Variants in GALNT9 observed in about 807,000 individuals in gnomAD.
GALNT9 encodes polypeptide N-acetylgalactosaminyltransferase 9, also known as GalNAc transferase 9.
GALNT9 carries 47 observed loss-of-function variants against 63.1 expected under a neutral mutation model. The observed-to-expected ratio is 0.75, with a 90% CI of 0.59 to 0.95. The LOEUF is 0.95. Among genes scored for constraint, GALNT9 ranks in the 40% least tolerant of loss-of-function variants. The pLI is 0.00. For missense variants in GALNT9, 829 were observed against 874.8 expected, an observed-to-expected ratio of 0.95 and a Z score of 0.66; for synonymous variants, 396 against 365.7, an observed-to-expected ratio of 1.08 and a Z score of -0.94.
rs1168049535 is a variant in GALNT9, at chr12:132,300,588, A to G, written c.239-14158T>C. Among the ~76,000 whole-genome samples the G allele has an allele frequency of 1.9e-4, 25 of 132,932 alleles. 1 individual carries two copies. The highest frequency in any genetic ancestry group is 5.6e-3 in the Middle Eastern group (1 of 178). 87.2% of individuals were successfully genotyped at this position (132,932 alleles called of 152,430 possible). Reference sequence around the variant, plus strand: ...ACCACACCTAACGCACCCCTGAGATAACCAAGCCACTGCTGAGATAACCCA... The same window carrying G: ...ACCACACCTAACGCACCCCTGAGATGACCAAGCCACTGCTGAGATAACCCA... On this transcript the variant is annotated intron_variant, in intron 1 of 10. Coordinates refer to ENST00000328957, the MANE Select transcript of GALNT9 (RefSeq NM_001122636.2).
Position 132,213,769 on chromosome 12 carries a change from C to T in GALNT9, c.1078-10079G>A, listed in dbSNP as rs552205416. Among the ~76,000 whole-genome samples the T allele has an allele frequency of 5.9e-5, 9 of 152,356 alleles. No individual in the cohort carries two copies. The South Asian group carries it at 1.0e-3, about 18-fold the overall frequency. On this transcript the variant is annotated intron_variant, in intron 6 of 10. Coordinates refer to ENST00000328957, the MANE Select transcript of GALNT9 (RefSeq NM_001122636.2). ...GGCCTCTGCATTCTCCAGGTGGCAC[C>T]GGGGACCTGAGGAGGCCCCAGCTTG...
intron 5 of GALNT9, among the ~76,000 whole-genome samples, chr12:132,256,159 T>A (rs947966891): frequency 1.3e-5 from 2 of 152,104 alleles, no homozygotes; most frequent in African/African-American, 2.4e-5. Context: ...GGTGACCCCA[T>A]CCTTTTCCAG....
Position 132,328,970 on chromosome 12 carries a change from G to A in GALNT9, c.234C>T (p.Leu78=), listed in dbSNP as rs117847300. The change falls in exon 1 of 11, where the codon CTC becomes CTT. Residue 78 remains leucine (L), a synonymous_variant. Coordinates refer to ENST00000328957, the MANE Select transcript of GALNT9 (RefSeq NM_001122636.2). ...DHLEEVVYNQ[L]NGLAKPIGLV... is the part of the protein sequence containing the mutation. ...CGCCCCGGCGCCCCCGCTCACCGTT[G>A]AGCTGGTTGTAGACCACCTCCTCCA... The A allele has an allele frequency of 7.2e-3, 10,967 of 1,531,232 alleles. 510 individuals carry two copies. The East Asian group carries it at 0.13, about 18-fold the overall frequency. The allele number at this position is 1,531,232 out of a possible 1,614,324, so 94.9% of individuals were successfully genotyped here.
At chr12:132,240,601 T>C (rs2136898796) in intron 6 of GALNT9, 2 of 455,012 alleles carry the variant, frequency 4.4e-6, no homozygotes, top group South Asian at 3.1e-5. Flanking sequence ...GTGGGCTCCG[T>C]GCGTGGCCCC....
In GALNT9 at chr12:132,282,431, G is replaced by A. The variant is rs545288346; in HGVS notation, c.419+3819C>T. ...TGTGTGCGTGTGTGTGCGTGTGTGC[G>A]TGCATGCGTGTGTGTGCGTGTGCAT... On this transcript the variant is annotated intron_variant, in intron 2 of 10. Transcript: ENST00000328957. The surrounding 1 kb of genome is among the most constrained non-coding windows in gnomAD (Gnocchi z 4.5). Among the ~76,000 whole-genome samples, 57 of 152,228 alleles carry A rather than the reference G, an allele frequency of 3.7e-4. No individual in the cohort carries two copies. The highest frequency in any genetic ancestry group is 7.2e-4 in the Non-Finnish European group (49 of 68,002).
At chr12:132,278,522 G>A (rs1469221758) in intron 2 of GALNT9, 1 of 152,222 alleles carries the variant, frequency 6.6e-6, no homozygotes, top group Non-Finnish European at 1.5e-5. Flanking sequence ...CCCAACACCT[G>A]CGGGCCAGTG....
At chr12:132,293,656 C>T (rs1361879223) in intron 1 of GALNT9, among the ~76,000 whole-genome samples, 2 of 152,206 alleles carry the variant, frequency 1.3e-5, no homozygotes, top group East Asian at 3.9e-4. Flanking sequence ...TGTGTACAGT[C>T]GGAGCTGGAT....
At chr12:132,321,202 CAGAGTCGAGGCCCCTGTGGGTCT>C (rs781872200) in intron 1 of GALNT9, among the ~76,000 whole-genome samples, 80,760 of 141,410 alleles carry the variant, frequency 0.57, 23,720 homozygotes, top group East Asian at 0.75. Flanking sequence ...CCTGTTGGTC[CAGAGTCGAGGCCCCTGTGGGTCT>C]GGAGTCGAGG....
chr12:132,286,388 A>G lies in GALNT9; in HGVS notation c.281T>C (p.Leu94Pro), dbSNP rs1555242191. The G allele has an allele frequency of 6.4e-7, 1 of 1,550,650 alleles. No homozygotes were observed. Among genetic ancestry groups the G allele is most frequent in the African/African-American group, 1.4e-5 (1 of 73,034 alleles). Reference sequence around the variant, plus strand: ...GGTGGCCGCCAAGCCACCCTGGCCCAGGCCTCCTGGCCCCTCCACCAGGCC... The same window carrying G: ...GGTGGCCGCCAAGCCACCCTGGCCCGGGCCTCCTGGCCCCTCCACCAGGCC... Reference protein sequence around the residue: ...PIGLVEGPGGLGQGGLAATLR... With the variant: ...PIGLVEGPGGPGQGGLAATLR... Residue 94 changes from leucine (L) to proline (P), a missense_variant, in exon 2 of 11, where the codon CTG (leucine) becomes CCG (proline). Physicochemically the swap from Leu to Pro is moderately conservative, Grantham distance 98. Coordinates refer to ENST00000328957, the MANE Select transcript of GALNT9 (RefSeq NM_001122636.2). This position sits in a 1 kb window ranked among gnomAD's most constrained non-coding sequence, Gnocchi z 7.4.
chr12:132,317,527 C>A (rs541478537), intron 1 of GALNT9, among the ~76,000 whole-genome samples: 31 of 152,340 alleles, frequency 2.0e-4, no homozygotes, highest in Admixed American at 1.5e-3. Flanking sequence ...GGATCACCTG[C>A]GAACAGCACA....
chr12:132,294,564 C>T (rs1266199839), intron 1 of GALNT9, among the ~76,000 whole-genome samples: 8 of 65,402 alleles, frequency 1.2e-4, no homozygotes, highest in African/African-American at 8.7e-4. Context: ...AGGCTTCAGG[C>T]GTCCTGCTCA....
intron 6 of GALNT9, among the ~76,000 whole-genome samples, chr12:132,216,288 A>G (rs1353670764): frequency 6.6e-6 from 1 of 152,206 alleles, no homozygotes; most frequent in Non-Finnish European, 1.5e-5. Flanking sequence ...CAAACAGAGG[A>G]AGACAGAGAG....
At chr12:132,306,868 A>T (rs1881636393) in intron 1 of GALNT9, among the ~76,000 whole-genome samples, 1 of 152,134 alleles carries the variant, frequency 6.6e-6, no homozygotes. Context: ...TCGTCATTTG[A>T]AGTTCCTTTC....
Position 132,247,950 on chromosome 12 carries a change from A to G in GALNT9, c.1037T>C (p.Met346Thr). 2 of 1,551,544 alleles carry G rather than the reference A, an allele frequency of 1.3e-6. No individual in the cohort carries two copies. Among genetic ancestry groups the G allele is most frequent in the Non-Finnish European group, 1.7e-6 (2 of 1,147,008 alleles). Residue 346 changes from methionine to threonine, a missense_variant, in exon 6 of 11, where the codon ATG becomes ACG. By Grantham distance (81) the Met-to-Thr change is moderately conservative. Transcript: ENST00000328957. ...TACGTTCTCGCCGCCATACACCTCC[A>G]TGCCGGGGTCCAGCAGCCCAATGTC... ...FGDIGLLDPGMEVYGGENVEL... is the reference protein window; with the variant it reads ...FGDIGLLDPGTEVYGGENVEL...
intron 1 of GALNT9, among the ~76,000 whole-genome samples, chr12:132,309,799 C>G (rs28575650): frequency 6.6e-6 from 1 of 152,186 alleles, no homozygotes; most frequent in Admixed American, 6.5e-5. Context: ...CACCAAGAAT[C>G]GCACAGGAGG....
At chr12:132,280,105 G>A (rs1880278662) in intron 2 of GALNT9, 1 of 152,368 alleles carries the variant, frequency 6.6e-6, no homozygotes, top group African/African-American at 2.4e-5. Flanking sequence ...CAAGGATCCT[G>A]ACAGTCAAGG....
rs28387014 is a variant in GALNT9 at position 132,319,970 on chromosome 12, A to G, written c.238+8996T>C. Among the ~76,000 whole-genome samples the G allele has an allele frequency of 0.57, 86,552 of 151,842 alleles. 24,839 individuals carry two copies. The highest frequency in any genetic ancestry group is 0.76 in the East Asian group (3,890 of 5,134). On this transcript the variant is annotated intron_variant, in intron 1 of 10. Coordinates refer to ENST00000328957, the MANE Select transcript of GALNT9 (RefSeq NM_001122636.2). The surrounding 1 kb of genome is among the most constrained non-coding windows in gnomAD (Gnocchi z 5.2). Reference sequence around the variant, plus strand: ...GAAAAGGGGGCGGCCAGCGGCCCCCACCGCTGGGTCACGCTATCCCCTCTG... The same window carrying G: ...GAAAAGGGGGCGGCCAGCGGCCCCCGCCGCTGGGTCACGCTATCCCCTCTG...
chr12:132,283,627 G>A (rs1555241876), intron 2 of GALNT9: 1 of 152,272 alleles, frequency 6.6e-6, no homozygotes, highest in Non-Finnish European at 1.5e-5. Context: ...TGGAGACCAA[G>A]GTCAGCCATG....
rs1317183208 is a variant in GALNT9 at position 132,329,376 on chromosome 12, G to C, written c.-173C>G. On this transcript the variant is annotated 5_prime_UTR_variant, in exon 1 of 11. Transcript: ENST00000328957. ...CTCAGCGCGCCGGGCCACGGCCGCC[G>C]GGGGTCCCCCAGAGCGCAGAGGGCT... The C allele has an allele frequency of 5.0e-6, 5 of 998,384 alleles. No homozygotes were observed. Among genetic ancestry groups the C allele is most frequent in the Non-Finnish European group, 6.7e-6 (5 of 749,226 alleles). The allele number at this position is 998,384 out of a possible 1,614,324, so 61.8% of individuals were successfully genotyped here.
Sources: gnomAD v4.1 joint callset for allele counts (sites outside exome capture counted in the v4.1 genomes callset) on GRCh38, gnomAD v4.1.1 for gene constraint, Gnocchi (gnomAD v3.1) non-coding constraint, MANE v1.5 for transcripts, NCBI Gene and HGNC (gene_info 2026-07-23, HGNC 2026-07-21) for gene names.